Variants in UNC13C observed in about 807,000 individuals in gnomAD.
UNC13C encodes the protein protein unc-13 homolog C.
UNC13C carries 174 observed loss-of-function variants against 245.4 expected under a neutral mutation model. The observed-to-expected ratio is 0.71, with a 90% confidence interval of 0.63 to 0.80. UNC13C has a LOEUF of 0.80. Ranked by LOEUF, UNC13C falls within the 30% of genes least tolerant of loss-of-function variation. The pLI, the probability that UNC13C is intolerant of heterozygous loss-of-function variation, is 0.00. For missense variants in UNC13C, 2,829 were observed against 2,602.9 expected (o/e 1.09, Z -1.89); for synonymous variants, 992 against 895.1 (o/e 1.11, Z -1.93).
chr15:54,578,626 C>T lies in UNC13C; in HGVS notation c.6106+10679C>T, dbSNP rs1022458772. ...GTTTACCTATAAATAACCACTCACA[C>T]TGCAGTTTACTACCATTTATAAGCA... On this transcript the variant is annotated intron_variant, in intron 30 of 32. Transcript: ENST00000260323. Among the ~76,000 whole-genome samples, 9 of 152,340 alleles carry T rather than the reference C, an allele frequency of 5.9e-5. No individual in the cohort carries two copies. The East Asian group carries it at 1.5e-3, about 26-fold the overall frequency.
At chr15:54,621,883 C>T (rs1566944596) in intron 30 of UNC13C, among the ~76,000 whole-genome samples, 1 of 152,124 alleles carries the variant, frequency 6.6e-6, no homozygotes, top group Admixed American at 6.5e-5. Flanking sequence ...TGTGGGGCTC[C>T]CCTGGCCAAC....
chr15:54,505,260 T>A (rs983346988), intron 22 of UNC13C, among the ~76,000 whole-genome samples: 3 of 152,316 alleles, frequency 2.0e-5, no homozygotes, highest in Admixed American at 2.0e-4. Context: ...AGAAGTCTTA[T>A]GTTCCAGGCC....
At chr15:54,209,960 T>C (rs1023580083) in intron 4 of UNC13C, among the ~76,000 whole-genome samples, 1 of 152,034 alleles carries the variant, frequency 6.6e-6, no homozygotes, top group Non-Finnish European at 1.5e-5. Context: ...TGTAAGACAC[T>C]GTTTCATAAC....
At chr15:54,458,567 T>A (rs759942895) in intron 19 of UNC13C, among the ~76,000 whole-genome samples, 4 of 151,922 alleles carry the variant, frequency 2.6e-5, no homozygotes, top group African/African-American at 4.8e-5. Flanking sequence ...AAATTTGGGA[T>A]CTCCAGTGTT....
intron 4 of UNC13C, among the ~76,000 whole-genome samples, chr15:54,212,907 C>A (rs1025454954): frequency 2.8e-4 from 42 of 152,030 alleles, no homozygotes; most frequent in Non-Finnish European, 8.8e-5. Context: ...TACTTTTTCT[C>A]TATTTAAACC....
upstream of UNC13C, chr15:53,975,082 A>C (rs886745095): frequency 6.6e-6 from 1 of 152,246 alleles, no homozygotes; most frequent in Non-Finnish European, 1.5e-5. Context: ...CAGAGTGGGC[A>C]AACAGGAAGT....
intron 26 of UNC13C, among the ~76,000 whole-genome samples, chr15:54,543,756 A>G (rs1402112805): frequency 6.6e-6 from 1 of 152,138 alleles, no homozygotes; most frequent in Non-Finnish European, 1.5e-5. Context: ...AAGAAGTCAA[A>G]TCCCTGAATA....
chr15:54,447,986 T>C (rs998365705), intron 19 of UNC13C, among the ~76,000 whole-genome samples: 5 of 152,228 alleles, frequency 3.3e-5, no homozygotes, highest in East Asian at 1.9e-4. Context: ...TTTGTTCTCA[T>C]TGGTTTCAAA....
intron 8 of UNC13C, among the ~76,000 whole-genome samples, chr15:54,261,907 A>G (rs151067741): frequency 1.3e-5 from 2 of 152,146 alleles, no homozygotes; most frequent in Non-Finnish European, 2.9e-5. Context: ...ATGCTTAAAC[A>G]TATGTCTCTA....
the UNC13C span, among the ~76,000 whole-genome samples, chr15:53,925,231 G>A: frequency 4.6e-5 from 7 of 152,184 alleles, no homozygotes; most frequent in African/African-American, 1.4e-4. Flanking sequence ...ATTTCAGATA[G>A]TCTCTCATAG....
At chr15:54,456,906 C>T (rs1891562169) in intron 19 of UNC13C, among the ~76,000 whole-genome samples, 1 of 152,030 alleles carries the variant, frequency 6.6e-6, no homozygotes, top group African/African-American at 2.4e-5. Context: ...CTAGGACTTC[C>T]AGTACTATGT....
chr15:54,189,774 T>A (rs1276006798), intron 4 of UNC13C, among the ~76,000 whole-genome samples: 2 of 152,094 alleles, frequency 1.3e-5, no homozygotes, highest in Admixed American at 6.6e-5. Context: ...CAGATCAAGT[T>A]TCCATAAAGG....
chr15:54,008,890 T>A (rs917729167), intron 1 of UNC13C, among the ~76,000 whole-genome samples: 2 of 152,364 alleles, frequency 1.3e-5, no homozygotes, highest in East Asian at 3.9e-4. Context: ...TTTATCTCTT[T>A]GAATCTCTTA....
chr15:54,198,565 C>A (rs568352857), intron 4 of UNC13C, among the ~76,000 whole-genome samples: 1 of 152,268 alleles, frequency 6.6e-6, no homozygotes, highest in Non-Finnish European at 1.5e-5. Context: ...AGTACCAACC[C>A]AGAGCCTGGC....
chr15:54,108,265 C>T (rs1308093655), intron 2 of UNC13C, among the ~76,000 whole-genome samples: 3 of 152,146 alleles, frequency 2.0e-5, no homozygotes, highest in African/African-American at 4.8e-5. Context: ...TGGCTCGCTG[C>T]AATCTCCGCC....
At chr15:53,999,239 G>C (rs1319561830) in intron 1 of UNC13C, among the ~76,000 whole-genome samples, 1 of 151,632 alleles carries the variant, frequency 6.6e-6, no homozygotes, top group Non-Finnish European at 1.5e-5. Context: ...CTTTATGGAA[G>C]ATATTTGATT....
At chr15:54,460,278 C>T (rs1278403262) in intron 19 of UNC13C, among the ~76,000 whole-genome samples, 2 of 152,190 alleles carry the variant, frequency 1.3e-5, no homozygotes. Flanking sequence ...ATACCAGCAC[C>T]TGCTCCAGTG....
intron 4 of UNC13C, among the ~76,000 whole-genome samples, chr15:54,193,293 T>C (rs1185682770): frequency 1.3e-5 from 2 of 152,196 alleles, no homozygotes; most frequent in South Asian, 2.1e-4. Context: ...CTTATGACCA[T>C]GTGATATGCT....
chr15:53,982,653 A>G (rs1294374288), intron 1 of UNC13C, among the ~76,000 whole-genome samples: 3 of 152,170 alleles, frequency 2.0e-5, no homozygotes, highest in African/African-American at 2.4e-5. Context: ...AGAATTAATG[A>G]CACATTCCAA....
Sources: gnomAD v4.1 joint callset for allele counts (sites outside exome capture counted in the v4.1 genomes callset) on GRCh38, gnomAD v4.1.1 for gene constraint, MANE v1.5 for transcripts, NCBI Gene and HGNC (gene_info 2026-07-23, HGNC 2026-07-21) for gene names.